The following BCL9L variants were observed in gnomAD, a reference collection of about 807,000 sequenced individuals.
BCL9L encodes B-cell CLL/lymphoma 9-like protein.
BCL9L carries 19 observed loss-of-function variants against 99.4 expected under a neutral mutation model. That is an observed-to-expected ratio of 0.19 (90% CI 0.13 to 0.28). BCL9L has a LOEUF of 0.28. Among genes scored for constraint, BCL9L ranks in the 10% least tolerant of loss-of-function variants. BCL9L has a pLI of 1.00. For synonymous variants in BCL9L, 900 were observed against 854.8 expected (o/e 1.05, Z -0.92); for missense variants, 2,023 against 2,101.6 (o/e 0.96, Z 0.73).
Position 118,903,486 on chromosome 11 carries a change from G to T in BCL9L, c.533-34C>A. 1 of 1,605,442 alleles carries T rather than the reference G, an allele frequency of 6.2e-7. No individual in the cohort carries two copies. The highest frequency in any genetic ancestry group is 8.5e-7 in the Non-Finnish European group (1 of 1,173,948). Reference sequence around the variant, plus strand: ...GAGAGGACAGGGAAAGGGGCTAAGTGGTCTAGATACAAGAAGGACCAGCTG... The same window carrying T: ...GAGAGGACAGGGAAAGGGGCTAAGTTGTCTAGATACAAGAAGGACCAGCTG... On this transcript the variant is annotated intron_variant, in intron 5 of 9. Transcript: ENST00000683865. The surrounding 1 kb of genome is among the most constrained non-coding windows in gnomAD (Gnocchi z 5.6).
chr11:118,907,643 C>A (rs780255289), intron 4 of BCL9L, 41 bp from the exon 5 acceptor site: 2 of 1,603,104 alleles, frequency 1.2e-6, no homozygotes, highest in Admixed American at 1.7e-5. Context: ...TGCCTAGAGG[C>A]CCCATTATTC....
rs1285770653 is a variant in BCL9L at position 118,925,592 on chromosome 11, G to C, written c.-485C>G. On this transcript the variant is annotated 5_prime_UTR_variant, in exon 1 of 10. Transcript: ENST00000683865. The surrounding 1 kb of genome is among the most constrained non-coding windows in gnomAD (Gnocchi z 6.4). Reference sequence around the variant, plus strand: ...GCTCCTGCTCCTCCTTCCCTTGCTTGCTTGCTTGCTTCCTTCCTTCCTTCC... The same window carrying C: ...GCTCCTGCTCCTCCTTCCCTTGCTTCCTTGCTTGCTTCCTTCCTTCCTTCC... 2 of 18,204 alleles carry C rather than the reference G, an allele frequency of 1.1e-4. No individual in the cohort carries two copies. Among genetic ancestry groups the C allele is most frequent in the East Asian group, 3.2e-3 (2 of 618 alleles). 1.1% of individuals were successfully genotyped at this position (18,204 alleles called of 1,614,324 possible).
intron 3 of BCL9L, 30 bp downstream of exon 3, chr11:118,909,884 C>T: frequency 1.2e-6 from 2 of 1,613,962 alleles, no homozygotes; most frequent in African/African-American, 1.3e-5. Context: ...TCCACACACA[C>T]ACATCCCACC....
chr11:118,912,897 G>A (rs1430804801), intron 2 of BCL9L, among the ~76,000 whole-genome samples: 1 of 152,146 alleles, frequency 6.6e-6, no homozygotes, highest in Non-Finnish European at 1.5e-5. Context: ...TCTGGCTCAG[G>A]GAGATACAGC....
Position 118,903,294 on chromosome 11 carries a change from C to G in BCL9L, c.691G>C (p.Val231Leu), listed in dbSNP as rs776361743. 3.9e-6 allele frequency: 6 copies of G among 1,557,672 alleles called. No homozygotes were observed. Among genetic ancestry groups the G allele is most frequent in the Non-Finnish European group, 2.6e-6 (3 of 1,150,384 alleles). ...APGGGGGGGG[V>L]PGKPPSQFVY... The stretch of plus-strand genomic sequence containing the variant: ...AACTGCGAGGGAGGCTTTCCGGGGA[C>G]GCCCCCGCCCCCGCCCCCGCCCCCA... The change falls in exon 6 of 10, where the codon GTC becomes CTC. Residue 231 changes from valine to leucine, a missense_variant. Val to Leu is a conservative substitution (Grantham distance 32). Around this residue, in one of 3 missense-constraint regions of BCL9L, gnomAD observed 1,116 missense variants for 1,194.6 expected, o/e 0.93. Transcript: ENST00000683865. This position sits in a 1 kb window ranked among gnomAD's most constrained non-coding sequence, Gnocchi z 5.6.
At chr11:118,907,391 C>A in intron 5 of BCL9L, 92 bp downstream of exon 5, 1 of 1,591,366 alleles carries the variant, frequency 6.3e-7, no homozygotes. Context: ...CCAGGACTCC[C>A]AGTCCTCACT....
At position 118,908,394 on chromosome 11, in the gene BCL9L, G is replaced by T. The variant is rs1940621210; in HGVS notation, c.288C>A (p.Asn96Lys). 1.2e-6 allele frequency: 2 copies of T among 1,613,884 alleles called. No homozygotes were observed. Among genetic ancestry groups the T allele is most frequent in the Middle Eastern group, 1.6e-4 (1 of 6,082 alleles). Residue 96 changes from asparagine to lysine, a missense_variant, in exon 4 of 10, where the codon AAC becomes AAA. By Grantham distance (94) the Asn-to-Lys change is moderately conservative. Coordinates refer to ENST00000683865, the MANE Select transcript of BCL9L (RefSeq NM_001378213.1). ...TGAAAGGGGGCACCCCTGCCTGGGGGTTCTTCAGACTTGAGTTGCTAGGCG... is the reference window on the plus strand; with the variant it reads ...TGAAAGGGGGCACCCCTGCCTGGGGTTTCTTCAGACTTGAGTTGCTAGGCG... ...QISPSNSSLK[N>K]PQAGVPPFSS...
At position 118,921,729 on chromosome 11, in the gene BCL9L, G is replaced by A. The variant is rs562203807; in HGVS notation, c.-130-2850C>T. 3.3e-5 allele frequency among the ~76,000 whole-genome samples: 5 copies of A among 152,246 alleles called. No individual in the cohort carries two copies. The highest frequency in any genetic ancestry group is 6.5e-5 in the Admixed American group (1 of 15,304). ...GAAAAGTGAGAAGGCAGGGGAAGCC[G>A]CCCCTCCCCCTTGGCATGGAGAATC... is the stretch of plus-strand genomic sequence containing the variant. On this transcript the variant is annotated intron_variant, in intron 1 of 9. Transcript: ENST00000683865. The surrounding 1 kb of genome is among the most constrained non-coding windows in gnomAD (Gnocchi z 5.4).
rs1458210333 is a variant in BCL9L at position 118,922,672 on chromosome 11, G to T, written c.-131+2566C>A. ...TCCCACGGCTGCCCACTTTCCCACGGTGCCATCCCCCTTCTGCCCCCTCCC... is the reference window on the plus strand; with the variant it reads ...TCCCACGGCTGCCCACTTTCCCACGTTGCCATCCCCCTTCTGCCCCCTCCC... On this transcript the variant is annotated intron_variant, in intron 1 of 9. Coordinates refer to ENST00000683865, the MANE Select transcript of BCL9L (RefSeq NM_001378213.1). The surrounding 1 kb of genome is among the most constrained non-coding windows in gnomAD (Gnocchi z 6.2). Among the ~76,000 whole-genome samples the T allele has an allele frequency of 6.6e-6, 1 of 152,118 alleles. No individual in the cohort carries two copies. The highest frequency in any genetic ancestry group is 1.5e-5 in the Non-Finnish European group (1 of 68,000).
rs1162561076 is a variant in BCL9L at position 118,921,931 on chromosome 11, CTTCCACAGG to C, written c.-130-3061_-130-3053del. On this transcript the variant is annotated intron_variant, in intron 1 of 9. Coordinates refer to ENST00000683865, the MANE Select transcript of BCL9L (RefSeq NM_001378213.1). This position sits in a 1 kb window ranked among gnomAD's most constrained non-coding sequence, Gnocchi z 5.4. ...GCAAGGGCCTGCAGGAGTCAGGGGT[CTTCCACAGG>C]TTCCAGGACCCCCCACACTCAGAGC... Among the ~76,000 whole-genome samples, 1 of 152,170 alleles carries C rather than the reference CTTCCACAGG, an allele frequency of 6.6e-6. No homozygotes were observed. The highest frequency in any genetic ancestry group is 6.5e-5 in the Admixed American group (1 of 15,288).
chr11:118,911,204 C>T, intron 2 of BCL9L: 1 of 455,250 alleles, frequency 2.2e-6, no homozygotes. Flanking sequence ...TACCCGCCCT[C>T]CAGCAGCCCT....
intron 2 of BCL9L, among the ~76,000 whole-genome samples, chr11:118,917,987 C>T (rs1455265863): frequency 6.6e-6 from 1 of 152,240 alleles, no homozygotes; most frequent in Non-Finnish European, 1.5e-5. Context: ...TGTTCAGCCA[C>T]ACCTGGCCAA....
Position 118,900,705 on chromosome 11 carries a change from G to A in BCL9L, c.3038C>T (p.Thr1013Met), listed in dbSNP as rs201072117. Residue 1013 changes from threonine to methionine, a missense_variant, in exon 8 of 10, where the codon ACG becomes ATG. Physicochemically the swap from Thr to Met is moderately conservative, Grantham distance 81. Around this residue, in one of 3 missense-constraint regions of BCL9L, gnomAD observed 902 missense variants for 888.2 expected, o/e 1.02. Transcript: ENST00000683865. The surrounding 1 kb of genome is among the most constrained non-coding windows in gnomAD (Gnocchi z 5.3). ...PSPGWVASPK[T>M]AMPSPGVSQN... ...GGAGACCCCCGGGCTGGGCATGGCCGTCTTAGGTGAGGCAACCCAGCCTGG... is the reference window on the plus strand; with the variant it reads ...GGAGACCCCCGGGCTGGGCATGGCCATCTTAGGTGAGGCAACCCAGCCTGG... 2.3e-5 allele frequency: 37 copies of A among 1,613,872 alleles called. No individual in the cohort carries two copies. The highest frequency in any genetic ancestry group is 5.3e-5 in the African/African-American group (4 of 75,052).
chr11:118,900,516 C>T lies in BCL9L; in HGVS notation c.3124+103G>A, dbSNP rs529664872. 208 of 1,476,392 alleles carry T rather than the reference C, an allele frequency of 1.4e-4. No individual in the cohort carries two copies. The highest frequency in any genetic ancestry group is 1.8e-4 in the Non-Finnish European group (196 of 1,118,170). The allele number at this position is 1,476,392 out of a possible 1,614,324, so 91.5% of individuals were successfully genotyped here. ...AAGCAGAGCCATCCACCTCTGGGCCCGTGGTACACAGGCCCTTACTCACTC... is the reference window on the plus strand; with the variant it reads ...AAGCAGAGCCATCCACCTCTGGGCCTGTGGTACACAGGCCCTTACTCACTC... On this transcript the variant is annotated intron_variant, in intron 8 of 9. Coordinates refer to ENST00000683865, the MANE Select transcript of BCL9L (RefSeq NM_001378213.1). The surrounding 1 kb of genome is among the most constrained non-coding windows in gnomAD (Gnocchi z 5.3).
chr11:118,924,272 G>T (rs1020114974), intron 1 of BCL9L, among the ~76,000 whole-genome samples: 1 of 151,928 alleles, frequency 6.6e-6, no homozygotes, highest in Admixed American at 6.6e-5. Flanking sequence ...CACACGCCCA[G>T]TTCACCTCTC....
chr11:118,901,052 A>G lies in BCL9L; in HGVS notation c.2691T>C (p.Asn897=). 6.3e-7 allele frequency: 1 copy of G among 1,595,684 alleles called. No homozygotes were observed. Among genetic ancestry groups the G allele is most frequent in the Non-Finnish European group, 8.5e-7 (1 of 1,170,456 alleles). Residue 897 remains asparagine (N), a synonymous_variant, in exon 8 of 10, where the codon AAT becomes AAC. Coordinates refer to ENST00000683865, the MANE Select transcript of BCL9L (RefSeq NM_001378213.1). This position sits in a 1 kb window ranked among gnomAD's most constrained non-coding sequence, Gnocchi z 6.6. ...GGGCTGAATGCACGGTCCCAGGAGG[A>G]TTGGACGCAGGGGGCAGAGGCATGT... ...LSHMPLPPAS[N]PPGTVHSAPN... is the part of the protein sequence containing the mutation.
Position 118,908,361 on chromosome 11 carries a change from G to A in BCL9L, c.321C>T (p.Leu107=), listed in dbSNP as rs746801390. ...PQAGVPPFSS[L]KGKVKRDRSV... ...TCCGGTCCCTCTTCACCTTGCCCTT[G>A]AGCGAGCTGAAAGGGGGCACCCCTG... The change falls in exon 4 of 10, where the codon CTC becomes CTT. Residue 107 remains leucine (L), a synonymous_variant. Coordinates refer to ENST00000683865, the MANE Select transcript of BCL9L (RefSeq NM_001378213.1). The A allele has an allele frequency of 6.2e-7, 1 of 1,613,494 alleles. No individual in the cohort carries two copies. The highest frequency in any genetic ancestry group is 8.5e-7 in the Non-Finnish European group (1 of 1,179,644).
intron 1 of BCL9L, among the ~76,000 whole-genome samples, chr11:118,919,226 G>T (rs1941076013): frequency 6.6e-6 from 1 of 151,194 alleles, no homozygotes; most frequent in Non-Finnish European, 1.5e-5. Flanking sequence ...CCCACGGGGA[G>T]GAGGAGAGGC....
intron 2 of BCL9L, among the ~76,000 whole-genome samples, chr11:118,918,502 T>C (rs899842127): frequency 8.7e-5 from 12 of 138,332 alleles, no homozygotes; most frequent in African/African-American, 2.9e-4. Context: ...TCCCGCAGGG[T>C]GGGGCGGGTG....
Sources: allele counts gnomAD v4.1 joint callset (sites outside exome capture counted in the v4.1 genomes callset), GRCh38; gene constraint gnomAD v4.1.1; regional missense constraint gnomAD v4.1.1; non-coding constraint Gnocchi (gnomAD v3.1); transcripts MANE v1.5; gene names NCBI Gene and HGNC (gene_info 2026-07-23, HGNC 2026-07-21).